ASAP1: variants seen among roughly 807,000 people sequenced by gnomAD.
ASAP1 encodes arf-GAP with SH3 domain, ANK repeat and PH domain-containing protein 1.
In ASAP1, 43 loss-of-function variants were observed where a neutral mutation model predicts 145.2. The observed-to-expected ratio is 0.30, with a 90% CI of 0.23 to 0.38. The LOEUF is 0.38. Ranked by LOEUF, ASAP1 falls within the 10% of genes least tolerant of loss-of-function variation. ASAP1 has a pLI of 1.00. For missense variants in ASAP1, 1,018 were observed against 1,355.3 expected (o/e 0.75, Z 3.91); for synonymous variants, 546 against 515.5 (o/e 1.06, Z -0.80).
chr8:130,431,931 AGAG>A (rs1401453538), intron 1 of ASAP1, among the ~76,000 whole-genome samples: 2 of 113,552 alleles, frequency 1.8e-5, no homozygotes, highest in African/African-American at 3.4e-5. Flanking sequence ...AGAGGAAGGG[AGAG>A]GAGGAGGAGG....
At chr8:130,180,644 T>G in intron 8 of ASAP1, 107 bp downstream of exon 8, 1 of 1,322,272 alleles carries the variant, frequency 7.6e-7, no homozygotes, top group Non-Finnish European at 1.0e-6. Context: ...CAGTTTCCTC[T>G]CTAATAATCA....
chr8:130,083,280 T>C (rs962778369), intron 25 of ASAP1: 2 of 152,266 alleles, frequency 1.3e-5, no homozygotes, highest in Admixed American at 1.3e-4. Context: ...TATGTCTCTG[T>C]AACTTTGCCC....
chr8:130,284,801 C>T (rs1280470795), intron 3 of ASAP1, among the ~76,000 whole-genome samples: 2 of 151,394 alleles, frequency 1.3e-5, no homozygotes, highest in African/African-American at 2.4e-5. Context: ...AATACTGGAT[C>T]TCCTCATGGG....
At position 130,088,621 on chromosome 8, in the gene ASAP1, G is replaced by C. The variant is rs140510516; in HGVS notation, c.2572+3352C>G. Among the ~76,000 whole-genome samples, 45 of 152,262 alleles carry C rather than the reference G, an allele frequency of 3.0e-4. No individual in the cohort carries two copies. In the East Asian group the frequency reaches 5.6e-3, roughly 19 times the overall value. ...CTCTGGAGGGAGCAAAACCCTGCTG[G>C]ATTTTGGACCTCTAGCTTCTAATAC... On this transcript the variant is annotated intron_variant, in intron 25 of 29. Coordinates refer to ENST00000518721, the MANE Select transcript of ASAP1 (RefSeq NM_018482.4).
intron 3 of ASAP1, among the ~76,000 whole-genome samples, chr8:130,307,566 C>T (rs967349244): frequency 6.6e-6 from 1 of 152,026 alleles, no homozygotes; most frequent in African/African-American, 2.4e-5. Context: ...CTTTTTTCTC[C>T]CCAACACCCA....
chr8:130,129,390 C>A (rs2097579915), intron 15 of ASAP1, among the ~76,000 whole-genome samples: 1 of 152,108 alleles, frequency 6.6e-6, no homozygotes, highest in South Asian at 2.1e-4. Flanking sequence ...CTATAGAAAA[C>A]AACTGATAGA....
intron 3 of ASAP1, among the ~76,000 whole-genome samples, chr8:130,239,983 G>C (rs1010066279): frequency 1.3e-5 from 2 of 152,226 alleles, no homozygotes; most frequent in South Asian, 4.1e-4. Flanking sequence ...TCTGCTTCTG[G>C]AGGAGAATAA....
At chr8:130,062,126 C>T (rs995356714) in intron 27 of ASAP1, among the ~76,000 whole-genome samples, 4 of 152,170 alleles carry the variant, frequency 2.6e-5, no homozygotes, top group Non-Finnish European at 5.9e-5. Flanking sequence ...TTCTTTAAGG[C>T]CCTATTACAG....
chr8:130,346,361 T>TG, intron 3 of ASAP1, among the ~76,000 whole-genome samples: 1 of 152,222 alleles, frequency 6.6e-6, no homozygotes. Flanking sequence ...TGTCAGGAAG[T>TG]TCTTCTGAGT....
chr8:130,387,263 T>C (rs1424106308), intron 2 of ASAP1, among the ~76,000 whole-genome samples: 2 of 152,080 alleles, frequency 1.3e-5, no homozygotes, highest in Non-Finnish European at 2.9e-5. Context: ...CCGGCGAAAG[T>C]GGTGGCTCAC....
intron 17 of ASAP1, among the ~76,000 whole-genome samples, chr8:130,124,778 C>T (rs867686324): frequency 5.9e-5 from 9 of 152,068 alleles, no homozygotes; most frequent in East Asian, 1.9e-4. Flanking sequence ...GCATGGCAAA[C>T]GTTTAGGATT....
intron 24 of ASAP1, among the ~76,000 whole-genome samples, chr8:130,109,401 C>CA (rs1172810212): frequency 6.6e-6 from 1 of 152,092 alleles, no homozygotes; most frequent in African/African-American, 2.4e-5. Context: ...AAAATATTCT[C>CA]AGCTAGATTC....
rs2134973614 is a variant in ASAP1, at chr8:130,054,571, C to T, written c.*160G>A. On this transcript the variant is annotated 3_prime_UTR_variant, in exon 30 of 30. Coordinates refer to ENST00000518721, the MANE Select transcript of ASAP1 (RefSeq NM_018482.4). ...CCTCATACTGGTGAAGGCAGAAAAC[C>T]ACAGGATATTTACAACACACATTAT... 3.2e-6 allele frequency: 2 copies of T among 624,450 alleles called. No homozygotes were observed. Among genetic ancestry groups the T allele is most frequent in the Admixed American group, 5.1e-5 (2 of 39,334 alleles). 38.7% of individuals were successfully genotyped at this position (624,450 alleles called of 1,614,324 possible).
rs1400892680 is a variant in ASAP1 at position 130,237,010 on chromosome 8, G to A, written c.187-16C>T. The A allele has an allele frequency of 2.0e-6, 3 of 1,537,652 alleles. No homozygotes were observed. The highest frequency in any genetic ancestry group is 2.5e-5 in the South Asian group (2 of 81,064). On this transcript the variant is annotated splice_polypyrimidine_tract_variant and intron_variant, in intron 3 of 29. Transcript: ENST00000518721. Reference sequence around the variant, plus strand: ...GGTCTAGAGCCTAAAAGAGAAAAAAGGGGGAAAAGATATTAGAAGATTTGG... The same window carrying A: ...GGTCTAGAGCCTAAAAGAGAAAAAAAGGGGAAAAGATATTAGAAGATTTGG...
In ASAP1 at chr8:130,115,721, T is replaced by G. The variant is rs769752565; in HGVS notation, c.2079A>C (p.Lys693Asn). ...GGACGTGTGGATTGAACTTTCCAGA[T>G]TTAGCCTGGGAAAGCTGGAAGGAAC... Reference protein sequence around the residue: ...TQCEDLLSQAKSGKFNPHVHV... With the variant: ...TQCEDLLSQANSGKFNPHVHV... The change falls in exon 23 of 30, where the codon AAA becomes AAC. Residue 693 changes from lysine (K) to asparagine (N), a missense_variant. Lys to Asn is a moderately conservative substitution (Grantham distance 94). Around this residue, in one of 9 missense-constraint regions of ASAP1, gnomAD observed 353 missense variants for 375.4 expected, o/e 0.94. Coordinates refer to ENST00000518721, the MANE Select transcript of ASAP1 (RefSeq NM_018482.4). 5 of 1,613,484 alleles carry G rather than the reference T, an allele frequency of 3.1e-6. No homozygotes were observed. Among genetic ancestry groups the G allele is most frequent in the South Asian group, 1.1e-5 (1 of 90,952 alleles).
intron 3 of ASAP1, among the ~76,000 whole-genome samples, chr8:130,350,456 C>G (rs1308987293): frequency 6.6e-6 from 1 of 152,150 alleles, no homozygotes; most frequent in Non-Finnish European, 1.5e-5. Flanking sequence ...ATACAAAGCC[C>G]TTCTAGGAAG....
chr8:130,398,884 T>C (rs763790870), intron 2 of ASAP1, among the ~76,000 whole-genome samples: 1 of 152,240 alleles, frequency 6.6e-6, no homozygotes, highest in Non-Finnish European at 1.5e-5. Context: ...CTTTCAAGAA[T>C]GAGTAGTGTG....
chr8:130,217,181 T>A (rs1392570461), intron 4 of ASAP1, among the ~76,000 whole-genome samples: 3 of 152,178 alleles, frequency 2.0e-5, no homozygotes, highest in Non-Finnish European at 4.4e-5. Flanking sequence ...TACTCAACTC[T>A]CCACCTCCCT....
At chr8:130,389,650 G>A (rs1828182839) in intron 2 of ASAP1, among the ~76,000 whole-genome samples, 1 of 152,084 alleles carries the variant, frequency 6.6e-6, no homozygotes, top group Non-Finnish European at 1.5e-5. Flanking sequence ...ACCTAAGCTG[G>A]AACAACTCTA....
Sources: gnomAD v4.1 joint callset for allele counts (sites outside exome capture counted in the v4.1 genomes callset) on GRCh38, gnomAD v4.1.1 for gene constraint, gnomAD v4.1.1 regional missense constraint, MANE v1.5 for transcripts, NCBI Gene and HGNC (gene_info 2026-07-23, HGNC 2026-07-21) for gene names.